Variants in GEMIN5 observed in about 807,000 individuals in gnomAD.
GEMIN5 encodes gem nuclear organelle associated protein 5.
In GEMIN5, 124 loss-of-function variants were observed where a neutral mutation model predicts 176.9. The ratio of observed to expected loss-of-function variants is 0.70; its 90% CI spans 0.61 to 0.81. The LOEUF is 0.81. GEMIN5 is among the 40% of genes least tolerant of loss of function. The pLI, the probability that GEMIN5 is intolerant of heterozygous loss-of-function variation, is 0.00. For missense variants in GEMIN5, 1,843 were observed against 1,814.6 expected (o/e 1.02, Z -0.28); for synonymous variants, 673 against 665.2 (o/e 1.01, Z -0.18).
At position 154,896,099 on chromosome 5, in the gene GEMIN5, G is replaced by A. The variant is rs1219040766; in HGVS notation, c.3590C>T (p.Ala1197Val). 1.2e-6 allele frequency: 2 copies of A among 1,613,008 alleles called. No individual in the cohort carries two copies. Among genetic ancestry groups the A allele is most frequent in the African/African-American group, 2.7e-5 (2 of 74,870 alleles). Residue 1197 changes from alanine (A) to valine (V), a missense_variant, in exon 24 of 28, where the codon GCC becomes GTC. Coordinates refer to ENST00000285873, the MANE Select transcript of GEMIN5 (RefSeq NM_015465.5). Reference protein sequence around the residue: ...KYPSATNNTPAKQLLLHICHD... With the variant: ...KYPSATNNTPVKQLLLHICHD... ...CTGGTACAGATGGCTTACCTGTTTG[G>A]CAGGTGTGTTATTTGTAGCAGATGG...
In GEMIN5 at chr5:154,928,658, C is replaced by T. The variant is rs777931670; in HGVS notation, c.783G>A (p.Gly261=). 3 of 1,613,858 alleles carry T rather than the reference C, an allele frequency of 1.9e-6. No homozygotes were observed. Among genetic ancestry groups the T allele is most frequent in the Non-Finnish European group, 8.5e-7 (1 of 1,179,840 alleles). The stretch of plus-strand genomic sequence containing the variant: ...GAAAGGGCAATTTCAAAATCATCAC[C>T]CCTGCAGATTAAAAAGAAGGCCAGT... ...IRIWSCSRGR[G]VMILKLPFLK... Residue 261 remains glycine, a splice_region_variant and synonymous_variant, in exon 6 of 28, where the codon GGG becomes GGA. Coordinates refer to ENST00000285873, the MANE Select transcript of GEMIN5 (RefSeq NM_015465.5).
chr5:154,896,035 A>G, intron 24 of GEMIN5, 57 bp downstream of exon 24: 1 of 1,588,054 alleles, frequency 6.3e-7, no homozygotes, highest in Non-Finnish European at 8.6e-7. Context: ...ATAGACATGG[A>G]TTAAGGAAGT....
At chr5:154,923,568 T>C (rs1032556938) in intron 9 of GEMIN5, among the ~76,000 whole-genome samples, 8 of 152,116 alleles carry the variant, frequency 5.3e-5, no homozygotes, top group Non-Finnish European at 1.5e-5. Context: ...AACAAAGGAG[T>C]GCAGCCATGT....
intron 6 of GEMIN5, among the ~76,000 whole-genome samples, chr5:154,928,048 A>G (rs1764082794): frequency 6.6e-6 from 1 of 152,200 alleles, no homozygotes; most frequent in Non-Finnish European, 1.5e-5. Flanking sequence ...GGAAGACAGA[A>G]AGACAGTTTA....
chr5:154,897,684 G>T (rs1248324330), intron 23 of GEMIN5, among the ~76,000 whole-genome samples: 2 of 151,824 alleles, frequency 1.3e-5, no homozygotes, highest in Non-Finnish European at 2.9e-5. Context: ...ACAAGATTTC[G>T]CCATGTTGGC....
chr5:154,917,889 G>A, intron 12 of GEMIN5, 42 bp downstream of exon 12: 1 of 1,230,698 alleles, frequency 8.1e-7, no homozygotes, highest in East Asian at 2.3e-5. Flanking sequence ...TCAAATATAT[G>A]TGCGATTGCA....
intron 9 of GEMIN5, 42 bp from the exon 10 acceptor site, chr5:154,921,467 A>G (rs1344812895): frequency 1.2e-6 from 1 of 859,532 alleles, no homozygotes; most frequent in Admixed American, 2.4e-5. Flanking sequence ...AGATTTAAAC[A>G]AAAAGGCATA....
At chr5:154,890,514 G>GT (rs1343958108) in intron 26 of GEMIN5, among the ~76,000 whole-genome samples, 1 of 149,884 alleles carries the variant, frequency 6.7e-6, no homozygotes, top group Non-Finnish European at 1.5e-5. Flanking sequence ...AACCAGGCTG[G>GT]TATGAGTGGC....
rs367740851 is a variant in GEMIN5 at position 154,898,419 on chromosome 5, G to A, written c.3345+21C>T. On this transcript the variant is annotated intron_variant, in intron 23 of 27. Coordinates refer to ENST00000285873, the MANE Select transcript of GEMIN5 (RefSeq NM_015465.5). ...GGGACACTTCCCTCTTGTATACTAG[G>A]AGATGAAATAACAGACTGACCTGTA... 12 of 1,578,884 alleles carry A rather than the reference G, an allele frequency of 7.6e-6. No individual in the cohort carries two copies. In the African/African-American group the frequency reaches 1.6e-4, roughly 21 times the overall value.
intron 9 of GEMIN5, among the ~76,000 whole-genome samples, chr5:154,922,238 G>T (rs1350457938): frequency 6.6e-6 from 1 of 152,092 alleles, no homozygotes; most frequent in Admixed American, 6.5e-5. Flanking sequence ...TGCAATCTCC[G>T]CTCACTGCAA....
At chr5:154,894,171 C>T (rs894328606) in intron 24 of GEMIN5, among the ~76,000 whole-genome samples, 7 of 152,100 alleles carry the variant, frequency 4.6e-5, no homozygotes, top group African/African-American at 1.4e-4. Flanking sequence ...TCTCAAACTC[C>T]TGAGCTCAAG....
At chr5:154,899,576 T>C (rs937116907) in intron 21 of GEMIN5, among the ~76,000 whole-genome samples, 2 of 151,690 alleles carry the variant, frequency 1.3e-5, no homozygotes, top group Non-Finnish European at 2.9e-5. Flanking sequence ...AGGTTAAAAC[T>C]ATTTTCGTAA....
chr5:154,894,781 C>T (rs1305073465), intron 24 of GEMIN5, among the ~76,000 whole-genome samples: 1 of 152,120 alleles, frequency 6.6e-6, no homozygotes, highest in African/African-American at 2.4e-5. Flanking sequence ...GTGGCAGGTG[C>T]CTGTAATCCC....
At chr5:154,905,518 CAAT>C in intron 16 of GEMIN5, 42 bp from the exon 17 acceptor site, 2 of 905,354 alleles carry the variant, frequency 2.2e-6, no homozygotes, top group South Asian at 1.6e-5. Context: ...TTAAGGATAA[CAAT>C]AATACAGAAT....
chr5:154,930,453 T>C (rs1467987928), intron 5 of GEMIN5, among the ~76,000 whole-genome samples: 3 of 152,198 alleles, frequency 2.0e-5, no homozygotes, highest in African/African-American at 7.2e-5. Context: ...TTATAACAAG[T>C]GGATGAGTGG....
At chr5:154,932,354 AGGTGCATT>A (rs777206106) in intron 3 of GEMIN5, 104 bp from the exon 4 acceptor site, 2 of 799,948 alleles carry the variant, frequency 2.5e-6, no homozygotes, top group Non-Finnish European at 4.0e-6. Flanking sequence ...CCTTAAAGTT[AGGTGCATT>A]TGGGGTGGCG....
At position 154,909,055 on chromosome 5, in the gene GEMIN5, C is replaced by T. The variant is rs142636823; in HGVS notation, c.2168-1237G>A. Among the ~76,000 whole-genome samples, 1,195 of 151,950 alleles carry T rather than the reference C, an allele frequency of 7.9e-3. 10 individuals carry two copies. Among genetic ancestry groups the T allele is most frequent in the African/African-American group, 0.028 (1,154 of 41,420 alleles). On this transcript the variant is annotated intron_variant, in intron 15 of 27. Coordinates refer to ENST00000285873, the MANE Select transcript of GEMIN5 (RefSeq NM_015465.5). ...CGGCAGCCTTACTTGACCTTCCAGG[C>T]TCAAGCAATCCTCCTGCCTCAGCCT...
intron 15 of GEMIN5, among the ~76,000 whole-genome samples, chr5:154,908,757 G>C (rs1320069780): frequency 5.9e-5 from 9 of 152,176 alleles, no homozygotes; most frequent in Non-Finnish European, 1.5e-5. Flanking sequence ...CAATCTATGA[G>C]GTAGCAGCTA....
chr5:154,930,130 C>G (rs561397446), intron 5 of GEMIN5, among the ~76,000 whole-genome samples: 8 of 152,222 alleles, frequency 5.3e-5, no homozygotes, highest in African/African-American at 1.9e-4. Flanking sequence ...TGATTTCCTG[C>G]TCTGCCATAA....
Sources: gnomAD v4.1 joint callset for allele counts (sites outside exome capture counted in the v4.1 genomes callset) on GRCh38, gnomAD v4.1.1 for gene constraint, MANE v1.5 for transcripts, NCBI Gene and HGNC (gene_info 2026-07-23, HGNC 2026-07-21) for gene names.